The following ATXN7L3 variants were observed in gnomAD, a reference collection of about 807,000 sequenced individuals.
ATXN7L3 encodes the protein ataxin 7 like 3.
A neutral mutation model predicts 50.0 loss-of-function variants in ATXN7L3; 6 were observed. That is an observed-to-expected ratio of 0.12 (90% CI 0.07 to 0.24). ATXN7L3 has a LOEUF of 0.24. Ranked by LOEUF, ATXN7L3 falls within the 10% of genes least tolerant of loss-of-function variation. The pLI is 1.00. For synonymous variants in ATXN7L3, 198 were observed against 165.8 expected, an observed-to-expected ratio of 1.19 and a Z score of -1.49; for missense variants, 322 against 451.3, an observed-to-expected ratio of 0.71 and a Z score of 2.60.
At chr17:44,194,482 GCA>G (rs2055810708) in intron 12 of ATXN7L3, 33 bp downstream of exon 12, 1 of 1,612,992 alleles carries the variant, frequency 6.2e-7, no homozygotes, top group Non-Finnish European at 8.5e-7. Context: ...ATGGCTTTGG[GCA>G]CAGAGCCCCT....
intron 7 of ATXN7L3, 70 bp downstream of exon 7, chr17:44,195,964 C>A: frequency 1.3e-6 from 2 of 1,571,616 alleles, no homozygotes; most frequent in African/African-American, 1.4e-5. Context: ...CCGGGCCCCA[C>A]CTCCACCCCC....
At chr17:44,197,199 C>T (rs2144487474) in intron 4 of ATXN7L3, 29 bp downstream of exon 4, 1 of 1,577,464 alleles carries the variant, frequency 6.3e-7, no homozygotes, top group Non-Finnish European at 8.6e-7. Flanking sequence ...GCACAGGCTG[C>T]AGAGAACGGG....
intron 2 of ATXN7L3, 43 bp from the exon 3 acceptor site, chr17:44,197,773 C>T (rs1163783713): frequency 2.5e-6 from 4 of 1,611,930 alleles, no homozygotes; most frequent in Admixed American, 3.3e-5. Context: ...AGAGTCACAG[C>T]CCCCTGGACT....
In ATXN7L3 at chr17:44,194,759, G is replaced by A. The variant is rs368897355; in HGVS notation, c.737+9C>T. ...CACAACCCCCCACCCTTCCTGTAGG[G>A]CCACTTACGCCGAGGGCCCGAGAAA... On this transcript the variant is annotated intron_variant, in intron 11 of 12. Transcript: ENST00000587097. 6.2e-6 allele frequency: 10 copies of A among 1,613,998 alleles called. No homozygotes were observed. The highest frequency in any genetic ancestry group is 8.5e-6 in the Non-Finnish European group (10 of 1,179,984).
Position 44,196,562 on chromosome 17 carries a change from G to A in ATXN7L3, c.455-144C>T, listed in dbSNP as rs538058292. On this transcript the variant is annotated intron_variant, in intron 5 of 12. Transcript: ENST00000587097. ...TGGGAGGCCCAGGCGGGCAGATCAC[G>A]AGGTCAGAAGATCGAGACCATCCTG... is the stretch of plus-strand genomic sequence containing the variant. The A allele has an allele frequency of 8.3e-3, 8,158 of 984,436 alleles. 62 individuals carry two copies. The highest frequency in any genetic ancestry group is 0.01 in the Non-Finnish European group (6,492 of 643,636). 61.0% of individuals were successfully genotyped at this position (984,436 alleles called of 1,614,324 possible).
chr17:44,197,741 G>C lies in ATXN7L3; in HGVS notation c.52-11C>G. On this transcript the variant is annotated splice_polypyrimidine_tract_variant and intron_variant, in intron 2 of 12. Coordinates refer to ENST00000587097, the MANE Select transcript of ATXN7L3 (RefSeq NM_001382309.1). The stretch of plus-strand genomic sequence containing the variant: ...CTCCTGAGCGATGGCCTGGGCCCCA[G>C]GGGAGAACATCTACGGTCACAAGAG... The C allele has an allele frequency of 6.2e-7, 1 of 1,614,262 alleles. No individual in the cohort carries two copies. Among genetic ancestry groups the C allele is most frequent in the Non-Finnish European group, 8.5e-7 (1 of 1,180,042 alleles).
Position 44,194,501 on chromosome 17 carries a change from C to G in ATXN7L3, c.895+16G>C, listed in dbSNP as rs1377824549. The G allele has an allele frequency of 1.2e-6, 2 of 1,613,388 alleles. No individual in the cohort carries two copies. The highest frequency in any genetic ancestry group is 2.2e-5 in the East Asian group (1 of 44,880). On this transcript the variant is annotated intron_variant, in intron 12 of 12. Transcript: ENST00000587097. Reference sequence around the variant, plus strand: ...CTTTGGGCACAGAGCCCCTAGGGCCCAACTGCATCACGTACCTAGACCCCA... The same window carrying G: ...CTTTGGGCACAGAGCCCCTAGGGCCGAACTGCATCACGTACCTAGACCCCA...
intron 5 of ATXN7L3, 114 bp downstream of exon 5, chr17:44,196,815 G>A (rs572979080): frequency 9.5e-6 from 6 of 634,190 alleles, no homozygotes; most frequent in Middle Eastern, 2.7e-4. Context: ...AGGAAATCGC[G>A]TAACTACACT....
chr17:44,196,226 T>TCCCCCCCCCCCCCAAACCCCC, intron 6 of ATXN7L3, 147 bp from the exon 7 acceptor site: 1 of 737,696 alleles, frequency 1.4e-6, no homozygotes, highest in African/African-American at 2.2e-5. Flanking sequence ...CCATGTGCCC[T>TCCCCCCCCCCCCCAAACCCCC]CCCCCACCCC....
Position 44,195,795 on chromosome 17 carries a change from C to G in ATXN7L3, c.552+5G>C, listed in dbSNP as rs1265478475. 3.7e-6 allele frequency: 6 copies of G among 1,608,558 alleles called. No homozygotes were observed. The highest frequency in any genetic ancestry group is 5.1e-6 in the Non-Finnish European group (6 of 1,175,314). ...GAGCAAGCATGAGGGGCGGCCCATA[C>G]TCACCTTAAAAGGATCCGAATTGCT... is the stretch of plus-strand genomic sequence containing the variant. On this transcript the variant is annotated splice_donor_5th_base_variant and intron_variant, in intron 8 of 12. Coordinates refer to ENST00000587097, the MANE Select transcript of ATXN7L3 (RefSeq NM_001382309.1).
chr17:44,195,969 AC>A, intron 7 of ATXN7L3, 64 bp downstream of exon 7: 5 of 1,548,138 alleles, frequency 3.2e-6, no homozygotes, highest in South Asian at 1.1e-5. Context: ...CCCCACCTCC[AC>A]CCCCCGGCAA....
intron 4 of ATXN7L3, 30 bp downstream of exon 4, chr17:44,197,198 G>A (rs769300340): frequency 4.4e-6 from 7 of 1,577,046 alleles, no homozygotes; most frequent in Non-Finnish European, 6.0e-6. Context: ...GGCACAGGCT[G>A]CAGAGAACGG....
At chr17:44,196,124 G>A (rs771011555) in intron 6 of ATXN7L3, 45 bp from the exon 7 acceptor site, 30 of 1,586,734 alleles carry the variant, frequency 1.9e-5, no homozygotes, top group Non-Finnish European at 2.4e-5. Flanking sequence ...GTAACGAAAA[G>A]GGGGAGCCGA....
chr17:44,195,369 T>A (rs773901265), intron 9 of ATXN7L3, 50 bp downstream of exon 9: 1 of 1,573,120 alleles, frequency 6.4e-7, no homozygotes, highest in Middle Eastern at 1.7e-4. Flanking sequence ...CCACTGCCTA[T>A]GGCTCCAGCC....
rs1479822224 is a variant in ATXN7L3 at position 44,194,735 on chromosome 17, A to C, written c.737+33T>G. 7 of 1,613,758 alleles carry C rather than the reference A, an allele frequency of 4.3e-6. No homozygotes were observed. The Admixed American group carries it at 1.2e-4, about 27-fold the overall frequency. On this transcript the variant is annotated intron_variant, in intron 11 of 12. Coordinates refer to ENST00000587097, the MANE Select transcript of ATXN7L3 (RefSeq NM_001382309.1). ...ATAGTGATCATCGCCCTAACTGGTC[A>C]CAACCCCCCACCCTTCCTGTAGGGC...
chr17:44,197,033 A>C lies in ATXN7L3; in HGVS notation c.357-7T>G. ...ATTGTTGCTATTGGCAATCCTGCCA[A>C]GGGGAGGGAAGAGAAAGGGGCCAAG... On this transcript the variant is annotated splice_region_variant and splice_polypyrimidine_tract_variant and intron_variant, in intron 4 of 12. Transcript: ENST00000587097. 1 of 1,606,182 alleles carries C rather than the reference A, an allele frequency of 6.2e-7. No individual in the cohort carries two copies. Among genetic ancestry groups the C allele is most frequent in the Non-Finnish European group, 8.5e-7 (1 of 1,173,030 alleles).
chr17:44,198,247 C>A, intron 1 of ATXN7L3, 117 bp from the exon 2 acceptor site: 1 of 622,416 alleles, frequency 1.6e-6, no homozygotes, highest in Non-Finnish European at 2.8e-6. Flanking sequence ...CTCTCCCTCC[C>A]CAAGGCCCAG....
chr17:44,193,661 G>C lies in ATXN7L3; in HGVS notation c.*602C>G, dbSNP rs1466654282. 1 of 152,520 alleles carries C rather than the reference G, an allele frequency of 6.6e-6. No homozygotes were observed. The highest frequency in any genetic ancestry group is 1.5e-5 in the Non-Finnish European group (1 of 68,268). 9.4% of individuals were successfully genotyped at this position (152,520 alleles called of 1,614,324 possible). ...TGAGGGGAAAGGGCTGCCCCTGTGA[G>C]GGGCAGGGAAGGTGGCGGCAGTTCT... On this transcript the variant is annotated 3_prime_UTR_variant, in exon 13 of 13. Transcript: ENST00000587097.
intron 4 of ATXN7L3, 45 bp downstream of exon 4, chr17:44,197,183 A>G: frequency 6.4e-7 from 1 of 1,573,100 alleles, no homozygotes; most frequent in Non-Finnish European, 8.6e-7. Flanking sequence ...GGGGGACTAC[A>G]CCATGGCACA....
Sources: gnomAD v4.1 joint callset for allele counts on GRCh38, gnomAD v4.1.1 for gene constraint, MANE v1.5 for transcripts, NCBI Gene and HGNC (gene_info 2026-07-23, HGNC 2026-07-21) for gene names.